The following TNC variants were observed in gnomAD, a reference collection of about 807,000 sequenced individuals.
TNC encodes the protein tenascin C, also known as tenascin.
TNC carries 109 observed loss-of-function variants against 202.4 expected under a neutral mutation model. The observed-to-expected ratio is 0.54, with a 90% confidence interval of 0.46 to 0.63. The LOEUF (loss-of-function observed/expected upper bound fraction) is 0.63, where lower values mean the gene tolerates loss of function less well. Among genes scored for constraint, TNC ranks in the 30% least tolerant of loss-of-function variants. The pLI is 0.00. For synonymous variants in TNC, 1,007 were observed against 1,089.7 expected (o/e 0.92, Z 1.50); for missense variants, 2,756 against 2,833.3 (o/e 0.97, Z 0.62).
chr9:115,041,181 C>G (rs1830708693), intron 18 of TNC, 97 bp from the exon 19 acceptor site: 1 of 1,362,682 alleles, frequency 7.3e-7, no homozygotes, highest in Non-Finnish European at 9.9e-7. Context: ...AGAAATGAAA[C>G]TATATCTTCA....
chr9:115,087,689 C>CTT (rs1834889712), intron 2 of TNC, among the ~76,000 whole-genome samples: 1 of 98,630 alleles, frequency 1.0e-5, no homozygotes, highest in African/African-American at 3.6e-5. Context: ...GTTACTATTT[C>CTT]TTTCTTTTCT....
chr9:115,064,576 C>A lies in TNC; in HGVS notation c.3487+71G>T. The A allele has an allele frequency of 2.0e-6, 3 of 1,509,378 alleles. No homozygotes were observed. The South Asian group carries it at 3.9e-5, about 20-fold the overall frequency. 93.5% of individuals were successfully genotyped at this position (1,509,378 alleles called of 1,614,324 possible). A position where few individuals can be genotyped will look rare whatever the true frequency, so the allele number is the denominator to read the frequency against. On this transcript the variant is annotated intron_variant, in intron 11 of 27. Coordinates refer to ENST00000350763, the MANE Select transcript of TNC (RefSeq NM_002160.4). ...AGAACAAGTCCATTCCAAAGCTAGTCGTGTCTGATTATTCATGGGCAGTTT... is the reference window on the plus strand; with the variant it reads ...AGAACAAGTCCATTCCAAAGCTAGTAGTGTCTGATTATTCATGGGCAGTTT...
At chr9:115,111,896 A>G (rs890939511) in intron 1 of TNC, among the ~76,000 whole-genome samples, 3 of 152,038 alleles carry the variant, frequency 2.0e-5, no homozygotes, top group East Asian at 1.9e-4. Flanking sequence ...TCATCCCCCA[A>G]TTCAGCCTTT....
In TNC at chr9:115,087,170, C is replaced by A. The variant is rs1232707842; in HGVS notation, c.561G>T (p.Glu187Asp). 6.2e-7 allele frequency: 1 copy of A among 1,614,230 alleles called. No homozygotes were observed. The change falls in exon 3 of 28, where the codon GAG becomes GAT. Residue 187 changes from glutamate to aspartate, a missense_variant. Around this residue, in one of 2 missense-constraint regions of TNC, gnomAD observed 2,559 missense variants for 2,546.0 expected, o/e 1.01. Coordinates refer to ENST00000350763, the MANE Select transcript of TNC (RefSeq NM_002160.4). ...EPGWKGPNCSEPECPGNCHLR... is the reference protein window; with the variant it reads ...EPGWKGPNCSDPECPGNCHLR... ...GGTGACAGTTGCCTGGACATTCGGGCTCAGAGCAGTTGGGGCCTTTCCAGC... is the reference window on the plus strand; with the variant it reads ...GGTGACAGTTGCCTGGACATTCGGGATCAGAGCAGTTGGGGCCTTTCCAGC...
At chr9:115,052,323 G>C (rs1336619428) in intron 15 of TNC, among the ~76,000 whole-genome samples, 1 of 151,928 alleles carries the variant, frequency 6.6e-6, no homozygotes, top group Non-Finnish European at 1.5e-5. Context: ...GAAGAAAGGG[G>C]AGATGTTGGT....
At chr9:115,062,777 A>G (rs1564456352) in intron 13 of TNC, 140 bp downstream of exon 13, 1 of 977,662 alleles carries the variant, frequency 1.0e-6, no homozygotes, top group Non-Finnish European at 1.5e-6. Context: ...TGGAATTCCA[A>G]CACAGACCTT....
rs759128721 is a variant in TNC at position 115,026,646 on chromosome 9, C to G, written c.6219G>C (p.Arg2073=). The G allele has an allele frequency of 5.6e-6, 9 of 1,613,846 alleles. No homozygotes were observed. The highest frequency in any genetic ancestry group is 1.3e-5 in the African/African-American group (1 of 74,896). Residue 2073 remains arginine (R), a synonymous_variant, in exon 26 of 28, where the codon CGG becomes CGC. Coordinates refer to ENST00000350763, the MANE Select transcript of TNC (RefSeq NM_002160.4). ...TCTCCCCATGGTCCCGCAGGTCCAC[C>G]CGGAGCTCGTACTGCCCCTGGGCTG... ...KITAQGQYEL[R]VDLRDHGETA... is the part of the protein sequence containing the mutation.
Position 115,086,945 on chromosome 9 carries a change from T to A in TNC, c.786A>T (p.Thr262=). The change falls in exon 3 of 28, where the codon ACA becomes ACT. Residue 262 remains threonine, a synonymous_variant. Transcript: ENST00000350763. ...CPVPCSEEHG[T]CVDGLCVCHD... The stretch of plus-strand genomic sequence containing the variant: ...GGCACACACACAAGCCATCTACACA[T>A]GTGCCGTGCTCCTCACTGCAGGGCA... 1.2e-6 allele frequency: 2 copies of A among 1,614,206 alleles called. No homozygotes were observed. The highest frequency in any genetic ancestry group is 8.5e-7 in the Non-Finnish European group (1 of 1,180,040).
chr9:115,084,901 C>T (rs2133403973), intron 3 of TNC, among the ~76,000 whole-genome samples: 1 of 152,310 alleles, frequency 6.6e-6, no homozygotes, highest in South Asian at 2.1e-4. Context: ...GACAGAACGC[C>T]TTGACCAAGC....
Position 115,028,959 on chromosome 9 carries a change from A to G in TNC, c.6169+401T>C, listed in dbSNP as rs796536879. On this transcript the variant is annotated intron_variant, in intron 25 of 27. Transcript: ENST00000350763. The stretch of plus-strand genomic sequence containing the variant: ...AAAAAAAAAAAAAAAAAAAAAAAAA[A>G]AAAGAAAGTCATGGACCACAGGTTG... Among the ~76,000 whole-genome samples the G allele has an allele frequency of 4.9e-4, 42 of 86,560 alleles. No homozygotes were observed. The East Asian group carries it at 0.01, about 21-fold the overall frequency. 56.8% of individuals were successfully genotyped at this position (86,560 alleles called of 152,430 possible).
intron 12 of TNC, 143 bp from the exon 13 acceptor site, chr9:115,063,332 G>A: frequency 1.2e-6 from 1 of 865,824 alleles, no homozygotes; most frequent in Non-Finnish European, 1.8e-6. Context: ...CAGGTGTTGA[G>A]CACACTCAAA....
At chr9:115,098,445 A>C (rs1326629892) in intron 1 of TNC, among the ~76,000 whole-genome samples, 1 of 152,176 alleles carries the variant, frequency 6.6e-6, no homozygotes, top group African/African-American at 2.4e-5. Flanking sequence ...TGGGCACCTC[A>C]CTGCAGGACA....
intron 1 of TNC, among the ~76,000 whole-genome samples, chr9:115,095,491 T>C (rs1431163021): frequency 3.5e-4 from 8 of 22,662 alleles, no homozygotes; most frequent in Admixed American, 9.8e-4. Flanking sequence ...TATATATATA[T>C]GTATATATAT....
chr9:115,048,174 G>T, intron 16 of TNC, 86 bp downstream of exon 16: 3 of 1,481,904 alleles, frequency 2.0e-6, no homozygotes, highest in Non-Finnish European at 2.7e-6. Flanking sequence ...TGTGAACAAA[G>T]ATGTTAAAGT....
Position 115,081,924 on chromosome 9 carries a change from T to C in TNC, c.2252A>G (p.Lys751Arg), listed in dbSNP as rs1588150205. ...TWEIIFRNMNKEDEGEITKSL... is the reference protein window; with the variant it reads ...TWEIIFRNMNREDEGEITKSL... ...TTTGGTGATCTCTCCCTCATCTTCT[T>C]TATTCTGAGAGATAGAGGCAGCTTG... The change falls in exon 6 of 28, where the codon AAA becomes AGA. Residue 751 changes from lysine to arginine, a missense_variant. Around this residue, in one of 2 missense-constraint regions of TNC, gnomAD observed 2,559 missense variants for 2,546.0 expected, o/e 1.01. Transcript: ENST00000350763. 1 of 1,584,280 alleles carries C rather than the reference T, an allele frequency of 6.3e-7. No individual in the cohort carries two copies. Among genetic ancestry groups the C allele is most frequent in the African/African-American group, 1.4e-5 (1 of 72,480 alleles).
chr9:115,077,348 G>T (rs560737039), intron 7 of TNC, among the ~76,000 whole-genome samples: 2 of 152,140 alleles, frequency 1.3e-5, no homozygotes, highest in African/African-American at 2.4e-5. Flanking sequence ...GAGCCACTGC[G>T]CCTGACCCCA....
intron 6 of TNC, 129 bp downstream of exon 6, chr9:115,081,643 C>G: frequency 9.1e-7 from 1 of 1,101,776 alleles, no homozygotes; most frequent in East Asian, 2.4e-5. Context: ...ACCACTGTAT[C>G]TGGATTTTTA....
intron 17 of TNC, 54 bp downstream of exon 17, chr9:115,046,356 A>G: frequency 3.1e-6 from 5 of 1,590,058 alleles, no homozygotes; most frequent in Non-Finnish European, 3.4e-6. Flanking sequence ...CCCTGTGAGA[A>G]GAAGACCCCT....
rs1478254800 is a variant in TNC, at chr9:115,038,329, G to T, written c.5444C>A (p.Ala1815Asp). 5 of 1,614,166 alleles carry T rather than the reference G, an allele frequency of 3.1e-6. No homozygotes were observed. The highest frequency in any genetic ancestry group is 4.2e-6 in the Non-Finnish European group (5 of 1,179,994). ...AATGGCTGGCTGCCACCTGGCCAAG[G>T]CTTCTGAGTCAGTGATGTTGGCTGT... ...LVTANITDSEALARWQPAIAT... is the reference protein window; with the variant it reads ...LVTANITDSEDLARWQPAIAT... The change falls in exon 20 of 28, where the codon GCC (alanine) becomes GAC (aspartate). Residue 1815 changes from alanine to aspartate, a missense_variant. Around this residue, in one of 2 missense-constraint regions of TNC, gnomAD observed 2,559 missense variants for 2,546.0 expected, o/e 1.01. Transcript: ENST00000350763.
Sources: allele counts gnomAD v4.1 joint callset (sites outside exome capture counted in the v4.1 genomes callset), GRCh38; gene constraint gnomAD v4.1.1; regional missense constraint gnomAD v4.1.1; transcripts MANE v1.5; gene names NCBI Gene and HGNC (gene_info 2026-07-23, HGNC 2026-07-21).